Variants in ADAMTS10 observed in about 807,000 individuals in gnomAD.
ADAMTS10 encodes A disintegrin and metalloproteinase with thrombospondin motifs 10.
ADAMTS10 carries 48 observed loss-of-function variants against 135.9 expected under a neutral mutation model. The ratio of observed to expected loss-of-function variants is 0.35; its 90% confidence interval spans 0.28 to 0.45. The LOEUF is 0.45. Ranked by LOEUF, ADAMTS10 falls within the 20% of genes least tolerant of loss-of-function variation. ADAMTS10 has a pLI of 1.00. For missense variants in ADAMTS10, 1,131 were observed against 1,565.2 expected, an observed-to-expected ratio of 0.72 and a Z score of 4.68; for synonymous variants, 621 against 647.5, an observed-to-expected ratio of 0.96 and a Z score of 0.62.
rs782785534 is a variant in ADAMTS10, at chr19:8,585,633, G to A, written c.2688C>T (p.Cys896=). The A allele has an allele frequency of 1.9e-6, 3 of 1,612,024 alleles. No individual in the cohort carries two copies. The African/African-American group carries it at 4.0e-5, about 22-fold the overall frequency. ...GCACGCCTGCATCGCAGCTGCGGCT[G>A]CAGAGCGACCAGTTCCCTACAACCC... ...PDWVVGNWSL[C]SRSCDAGVRS... The change falls in exon 23 of 26, where the codon TGC becomes TGT. Residue 896 remains cysteine (C), a synonymous_variant. Coordinates refer to ENST00000597188, the MANE Select transcript of ADAMTS10 (RefSeq NM_030957.4).
rs950075471 is a variant in ADAMTS10 at position 8,580,831 on chromosome 19, G to C, written c.*62C>G. On this transcript the variant is annotated 3_prime_UTR_variant, in exon 26 of 26. Coordinates refer to ENST00000597188, the MANE Select transcript of ADAMTS10 (RefSeq NM_030957.4). The stretch of plus-strand genomic sequence containing the variant: ...CGCCCCCCCGGGGCCCCCTCTGGCC[G>C]GCCCGCTGCAGGGCTGGCGGCGGAG... 3 of 1,405,682 alleles carry C rather than the reference G, an allele frequency of 2.1e-6. No homozygotes were observed. The highest frequency in any genetic ancestry group is 2.5e-5 in the East Asian group (1 of 40,202). 87.1% of individuals were successfully genotyped at this position (1,405,682 alleles called of 1,614,324 possible). A position where few individuals can be genotyped will look rare whatever the true frequency, so the allele number is the denominator to read the frequency against.
intron 6 of ADAMTS10, among the ~76,000 whole-genome samples, chr19:8,599,594 G>A (rs1275088195): frequency 6.6e-6 from 1 of 151,746 alleles, no homozygotes; most frequent in African/African-American, 2.4e-5. Context: ...GCCTCCCAAA[G>A]TGCTGGGATT....
At chr19:8,590,272 C>T (rs538893229) in intron 15 of ADAMTS10, among the ~76,000 whole-genome samples, 3 of 152,066 alleles carry the variant, frequency 2.0e-5, no homozygotes, top group Non-Finnish European at 2.9e-5. Context: ...TTCTTGCTTG[C>T]TTGCATTTTT....
chr19:8,580,927 C>A lies in ADAMTS10; in HGVS notation c.3278G>T (p.Arg1093Leu). ...ATGGCAGGTTTTGCAGCACATCTGG[C>A]GGAAGTAGGCTCGGCTGCAGAACTG... ...KFQFCSRAYFRQMCCKTCHGH is the reference protein window; with the variant it reads ...KFQFCSRAYFLQMCCKTCHGH The change falls in exon 26 of 26, where the codon CGC becomes CTC. Residue 1093 changes from arginine to leucine, a missense_variant. This residue lies in a region of ADAMTS10 where 745 missense variants were observed against 1,056.3 expected (regional missense o/e 0.71). Coordinates refer to ENST00000597188, the MANE Select transcript of ADAMTS10 (RefSeq NM_030957.4). 1 of 1,612,938 alleles carries A rather than the reference C, an allele frequency of 6.2e-7. No individual in the cohort carries two copies. The highest frequency in any genetic ancestry group is 1.1e-5 in the South Asian group (1 of 90,916).
chr19:8,589,259 G>A lies in ADAMTS10; in HGVS notation c.2141C>T (p.Pro714Leu), dbSNP rs782485019. 21 of 1,612,532 alleles carry A rather than the reference G, an allele frequency of 1.3e-5. No homozygotes were observed. The highest frequency in any genetic ancestry group is 3.3e-4 in the Middle Eastern group (2 of 6,066). The change falls in exon 18 of 26, where the codon CCA becomes CTA. Residue 714 changes from proline (P) to leucine (L), a missense_variant. By Grantham distance (98) the Pro-to-Leu change is moderately conservative (BLOSUM62 -3). Transcript: ENST00000597188. Reference sequence around the variant, plus strand: ...ACTCTCACCGGCCCCAGGTGAGGCTGGGCTGAAGACGCCCTCGATGGTCTC... The same window carrying A: ...ACTCTCACCGGCCCCAGGTGAGGCTAGGCTGAAGACGCCCTCGATGGTCTC... ...ACETIEGVFS[P>L]ASPGAGYEDV...
Position 8,600,780 on chromosome 19 carries a change from G to C in ADAMTS10, c.810+148C>G. 3 of 957,490 alleles carry C rather than the reference G, an allele frequency of 3.1e-6. No individual in the cohort carries two copies. In the South Asian group the frequency reaches 4.3e-5, roughly 14 times the overall value. The allele number at this position is 957,490 out of a possible 1,614,324, so 59.3% of individuals were successfully genotyped here. ...CCCGAAGTGCTGGGATTACAGGTGT[G>C]AGCCACCGCGCCCGGCCTGCAACCT... On this transcript the variant is annotated intron_variant, in intron 6 of 25. Coordinates refer to ENST00000597188, the MANE Select transcript of ADAMTS10 (RefSeq NM_030957.4).
rs2146071027 is a variant in ADAMTS10, at chr19:8,592,829, C to A, written c.1521G>T (p.Arg507=). The change falls in exon 13 of 26, where the codon CGG becomes CGT. Residue 507 remains arginine (R), a synonymous_variant. Coordinates refer to ENST00000597188, the MANE Select transcript of ADAMTS10 (RefSeq NM_030957.4). ...CGGCCGGGATGCTGTTGGTGATGCA[C>A]CGGTTGCTCTTGCTCAGACACCACA... ...SELWCLSKSN[R]CITNSIPAAE... The A allele has an allele frequency of 1.2e-6, 2 of 1,613,058 alleles. No individual in the cohort carries two copies. Among genetic ancestry groups the A allele is most frequent in the East Asian group, 4.5e-5 (2 of 44,854 alleles).
Position 8,596,864 on chromosome 19 carries a change from T to G in ADAMTS10, c.1040+123A>C. 1 of 1,490,210 alleles carries G rather than the reference T, an allele frequency of 6.7e-7. No homozygotes were observed. Among genetic ancestry groups the G allele is most frequent in the Non-Finnish European group, 9.2e-7 (1 of 1,090,306 alleles). 92.3% of individuals were successfully genotyped at this position (1,490,210 alleles called of 1,614,324 possible). On this transcript the variant is annotated intron_variant, in intron 8 of 25. Transcript: ENST00000597188. The surrounding 1 kb of genome is among the most constrained non-coding windows in gnomAD (Gnocchi z 7.2). ...CCCCTCCCCATCCCTGGCTCCCTCA[T>G]GGGCAGCCCAAACTTCTCTGCTCCT...
chr19:8,604,237 A>G (rs1555742053), intron 4 of ADAMTS10, among the ~76,000 whole-genome samples: 2 of 150,776 alleles, frequency 1.3e-5, no homozygotes, highest in African/African-American at 2.4e-5. Context: ...TTTTTAATTT[A>G]TTTTTCATAG....
intron 25 of ADAMTS10, among the ~76,000 whole-genome samples, chr19:8,584,533 C>G (rs1240239744): frequency 6.6e-6 from 1 of 152,060 alleles, no homozygotes; most frequent in Non-Finnish European, 1.5e-5. Flanking sequence ...CTGGACAGCT[C>G]CCCACGGCAA....
Position 8,601,125 on chromosome 19 carries a change from G to T in ADAMTS10, c.613C>A (p.Arg205=). ...TTCAAGGTCCGCAGCCACCATGGCC[G>T]CCCTTTCCACGGTTTCTCATCTGGG... ...GVRDEKPWKG[R]PWWLRTLKPP... is the part of the protein sequence containing the mutation. Residue 205 remains arginine, a synonymous_variant, in exon 6 of 26, where the codon CGG becomes AGG. Coordinates refer to ENST00000597188, the MANE Select transcript of ADAMTS10 (RefSeq NM_030957.4). This position sits in a 1 kb window ranked among gnomAD's most constrained non-coding sequence, Gnocchi z 4.6. 6.2e-7 allele frequency: 1 copy of T among 1,613,688 alleles called. No individual in the cohort carries two copies. Among genetic ancestry groups the T allele is most frequent in the African/African-American group, 1.3e-5 (1 of 75,056 alleles).
intron 16 of ADAMTS10, 35 bp from the exon 17 acceptor site, chr19:8,589,620 G>A (rs782158406): frequency 1.9e-6 from 3 of 1,612,270 alleles, no homozygotes; most frequent in Non-Finnish European, 2.5e-6. Flanking sequence ...CACGGGCCAG[G>A]CCACCCCGGA....
In ADAMTS10 at chr19:8,601,193, C is replaced by T. The variant is rs1555741556; in HGVS notation, c.593-48G>A. ...TAAGCCCTGCCCTGCTGGTGGGACG[C>T]AGAGCTGCCTGACAACTGTCTTGTC... On this transcript the variant is annotated intron_variant, in intron 5 of 25. Transcript: ENST00000597188. This position sits in a 1 kb window ranked among gnomAD's most constrained non-coding sequence, Gnocchi z 4.6. 1.3e-6 allele frequency: 2 copies of T among 1,593,768 alleles called. No individual in the cohort carries two copies. The highest frequency in any genetic ancestry group is 2.2e-4 in the Middle Eastern group (1 of 4,596).
rs2042416639 is a variant in ADAMTS10 at position 8,585,560 on chromosome 19, TCTC to T, written c.2758_2760del (p.Glu920del). On this transcript the variant is annotated inframe_deletion, in exon 23 of 26. Coordinates refer to ENST00000597188, the MANE Select transcript of ADAMTS10 (RefSeq NM_030957.4). The stretch of plus-strand genomic sequence containing the variant: ...GGGCATGCGCTGTCGTCCAGCGCCT[TCTC>T]CTCCGCGGCAGAGACGCGGCGCTGG... 2 of 1,600,344 alleles carry T rather than the reference TCTC, an allele frequency of 1.2e-6. No homozygotes were observed. The highest frequency in any genetic ancestry group is 8.5e-7 in the Non-Finnish European group (1 of 1,174,258).
chr19:8,610,706 G>T lies in ADAMTS10; in HGVS notation c.-277C>A, dbSNP rs1257023474. The T allele has an allele frequency of 6.7e-6, 1 of 149,822 alleles. No individual in the cohort carries two copies. Among genetic ancestry groups the T allele is most frequent in the Admixed American group, 6.6e-5 (1 of 15,066 alleles). The allele number at this position is 149,822 out of a possible 1,614,324, so 9.3% of individuals were successfully genotyped here. A position where few individuals can be genotyped will look rare whatever the true frequency, so the allele number is the denominator to read the frequency against. The stretch of plus-strand genomic sequence containing the variant: ...CTGTCTCGCCGCCCCGCGCGCGCAG[G>T]AAGGGAGGGAGCGAGCGAGCGCGGC... On this transcript the variant is annotated 5_prime_UTR_variant, in exon 1 of 26. Coordinates refer to ENST00000597188, the MANE Select transcript of ADAMTS10 (RefSeq NM_030957.4).
At chr19:8,582,569 G>A (rs1189284044) in intron 25 of ADAMTS10, 2 of 152,216 alleles carry the variant, frequency 1.3e-5, no homozygotes, top group African/African-American at 4.8e-5. Flanking sequence ...TATTTTGTGT[G>A]ATCATGATGT....
Position 8,596,910 on chromosome 19 carries a change from T to C in ADAMTS10, c.1040+77A>G. 1.3e-6 allele frequency: 2 copies of C among 1,595,848 alleles called. No individual in the cohort carries two copies. Among genetic ancestry groups the C allele is most frequent in the African/African-American group, 1.3e-5 (1 of 74,862 alleles). Reference sequence around the variant, plus strand: ...CTCCTCCTGACCCTAGCAGAAGTGATCTCTGTTTGGACTCTCATGGTTCCC... The same window carrying C: ...CTCCTCCTGACCCTAGCAGAAGTGACCTCTGTTTGGACTCTCATGGTTCCC... On this transcript the variant is annotated intron_variant, in intron 8 of 25. Coordinates refer to ENST00000597188, the MANE Select transcript of ADAMTS10 (RefSeq NM_030957.4). This position sits in a 1 kb window ranked among gnomAD's most constrained non-coding sequence, Gnocchi z 7.2.
Position 8,597,056 on chromosome 19 carries a change from T to C in ADAMTS10, c.971A>G (p.His324Arg). ...FCKWQKSIVN[H>R]SGHGNAIPEN... ...TGGAATGGCATTGCCATGGCCGCTG[T>C]GGTTCACGATGGATTTCTGCCACTT... The change falls in exon 8 of 26, where the codon CAC becomes CGC. Residue 324 changes from histidine (H) to arginine (R), a missense_variant. Physicochemically the swap from His to Arg is conservative, Grantham distance 29. Around this residue, in one of 3 missense-constraint regions of ADAMTS10, gnomAD observed 80 missense variants for 164.4 expected, o/e 0.49. Coordinates refer to ENST00000597188, the MANE Select transcript of ADAMTS10 (RefSeq NM_030957.4). 6.2e-7 allele frequency: 1 copy of C among 1,614,194 alleles called. No individual in the cohort carries two copies. The highest frequency in any genetic ancestry group is 8.5e-7 in the Non-Finnish European group (1 of 1,180,042).
rs782809621 is a variant in ADAMTS10, at chr19:8,592,059, C to T, written c.1632G>A (p.Glu544=). The change falls in exon 14 of 26, where the codon GAG becomes GAA. Residue 544 remains glutamate, a synonymous_variant. Coordinates refer to ENST00000597188, the MANE Select transcript of ADAMTS10 (RefSeq NM_030957.4). The part of the protein sequence containing the change: ...RVCVPFGSRP[E]GVDGAWGPWT... The stretch of plus-strand genomic sequence containing the variant: ...ACGGCCCCCAGGCTCCGTCCACACC[C>T]TCTGGGCGCGACCCAAAGGGGACAC... The T allele has an allele frequency of 4.3e-6, 7 of 1,613,582 alleles. No individual in the cohort carries two copies. The Admixed American group carries it at 1.0e-4, about 23-fold the overall frequency.
Sources: allele counts gnomAD v4.1 joint callset (sites outside exome capture counted in the v4.1 genomes callset), GRCh38; gene constraint gnomAD v4.1.1; regional missense constraint gnomAD v4.1.1; non-coding constraint Gnocchi (gnomAD v3.1); transcripts MANE v1.5; gene names NCBI Gene and HGNC (gene_info 2026-07-23, HGNC 2026-07-21).